The following CDH13 variants were observed in gnomAD, a reference collection of about 807,000 sequenced individuals.
CDH13 encodes cadherin-13.
A neutral mutation model predicts 63.8 loss-of-function variants in CDH13; 24 were observed. That is an observed-to-expected ratio of 0.38 (90% CI 0.27 to 0.53). The LOEUF is 0.53. Ranked by LOEUF, CDH13 falls within the 20% of genes least tolerant of loss-of-function variation. The pLI is 0.85. For synonymous variants in CDH13, 503 were observed against 355.3 expected (o/e 1.42, Z -4.67); for missense variants, 1,049 against 903.1 (o/e 1.16, Z -2.07).
intron 5 of CDH13, among the ~76,000 whole-genome samples, chr16:83,341,994 CACACACA>C (rs1567604445): frequency 5.5e-5 from 7 of 126,542 alleles, no homozygotes; most frequent in Non-Finnish European, 8.5e-5. Context: ...CCCTGCCACA[CACACACA>C]CACACACACA....
chr16:82,747,751 T>C (rs1198733852), intron 1 of CDH13, among the ~76,000 whole-genome samples: 1 of 152,246 alleles, frequency 6.6e-6, no homozygotes, highest in Non-Finnish European at 1.5e-5. Context: ...TTTAAGTGTC[T>C]GCATAATGCG....
At chr16:83,096,774 TCAA>T (rs561440510) in intron 3 of CDH13, among the ~76,000 whole-genome samples, 70 of 152,338 alleles carry the variant, frequency 4.6e-4, no homozygotes, top group African/African-American at 1.7e-3. Context: ...TTACTTCTGA[TCAA>T]CCGCAAGAGT....
intron 7 of CDH13, among the ~76,000 whole-genome samples, chr16:83,498,653 C>A (rs2074202962): frequency 1.3e-5 from 2 of 152,118 alleles, no homozygotes; most frequent in African/African-American, 4.8e-5. Context: ...AGATTTAAAC[C>A]CCTATCAGCC....
intron 1 of CDH13, among the ~76,000 whole-genome samples, chr16:82,725,579 C>T (rs2033048979): frequency 6.6e-6 from 1 of 152,224 alleles, no homozygotes; most frequent in Non-Finnish European, 1.5e-5. Context: ...ATTCCTGGCA[C>T]ATGGTGACCT....
At chr16:83,113,069 T>C (rs2035138508) in intron 3 of CDH13, among the ~76,000 whole-genome samples, 1 of 152,206 alleles carries the variant, frequency 6.6e-6, no homozygotes, top group African/African-American at 2.4e-5. Context: ...AGGCAGCTGA[T>C]GCTATCGAAG....
chr16:82,658,615 T>A lies in CDH13; in HGVS notation c.45+31478T>A, dbSNP rs113289345. 2.9e-3 allele frequency among the ~76,000 whole-genome samples: 446 copies of A among 152,300 alleles called. 3 individuals carry two copies. Among genetic ancestry groups the A allele is most frequent in the African/African-American group, 9.8e-3 (408 of 41,558 alleles). On this transcript the variant is annotated intron_variant, in intron 1 of 13. Transcript: ENST00000567109. ...CTCTCTGTGCCTCAGTTTTCACATC[T>A]GTAAAATTATGTCAAATAGTACTGA...
chr16:82,783,822 C>A (rs975243133), intron 1 of CDH13, among the ~76,000 whole-genome samples: 3 of 135,898 alleles, frequency 2.2e-5, no homozygotes, highest in Admixed American at 7.7e-5. Flanking sequence ...AGGCTTCTGA[C>A]AAGGGAATAC....
At chr16:83,529,900 T>C (rs1209892097) in intron 7 of CDH13, among the ~76,000 whole-genome samples, 1 of 152,222 alleles carries the variant, frequency 6.6e-6, no homozygotes, top group East Asian at 1.9e-4. Context: ...AATAACGTTA[T>C]TAAAATCACT....
chr16:82,756,565 G>A (rs76041111), intron 1 of CDH13, among the ~76,000 whole-genome samples: 168 of 152,226 alleles, frequency 1.1e-3, no homozygotes, highest in African/African-American at 3.9e-3. Context: ...TAGAGATTAC[G>A]GGACAGTGGG....
At chr16:83,386,855 C>G (rs1211356314) in intron 6 of CDH13, among the ~76,000 whole-genome samples, 2 of 152,200 alleles carry the variant, frequency 1.3e-5, no homozygotes, top group South Asian at 2.1e-4. Flanking sequence ...TGCCTCTGCT[C>G]TAGTCATCAC....
At chr16:83,525,963 C>A (rs2074950165) in intron 7 of CDH13, among the ~76,000 whole-genome samples, 1 of 152,192 alleles carries the variant, frequency 6.6e-6, no homozygotes, top group South Asian at 2.1e-4. Flanking sequence ...CCCCTGGAGC[C>A]TCTGGAAAGG....
At chr16:83,655,323 C>T (rs1400451210) in intron 8 of CDH13, 1 of 152,244 alleles carries the variant, frequency 6.6e-6, no homozygotes, top group Non-Finnish European at 1.5e-5. Context: ...ATGGAGTTAG[C>T]AGTGACCCTA....
chr16:83,226,485 G>T (rs554219621), intron 5 of CDH13, among the ~76,000 whole-genome samples: 2 of 152,216 alleles, frequency 1.3e-5, no homozygotes, highest in Non-Finnish European at 2.9e-5. Context: ...CCCCACACTG[G>T]TCTTTGCACC....
rs181213765 is a variant in CDH13 at position 82,866,353 on chromosome 16, C to T, written c.157+7880C>T. Among the ~76,000 whole-genome samples the T allele has an allele frequency of 2.6e-4, 33 of 125,256 alleles. No homozygotes were observed. In the East Asian group the frequency reaches 7.8e-3, roughly 30 times the overall value. 82.2% of individuals were successfully genotyped at this position (125,256 alleles called of 152,430 possible). A position where few individuals can be genotyped will look rare whatever the true frequency, so the allele number is the denominator to read the frequency against. ...ACTGGTACCAATTTACTGTATTAGTCTGTTTTCTTTTCTTTTTCTTCTTCT... is the reference window on the plus strand; with the variant it reads ...ACTGGTACCAATTTACTGTATTAGTTTGTTTTCTTTTCTTTTTCTTCTTCT... On this transcript the variant is annotated intron_variant, in intron 2 of 13. Transcript: ENST00000567109.
chr16:82,670,855 C>G (rs560184978), intron 1 of CDH13, among the ~76,000 whole-genome samples: 1 of 152,290 alleles, frequency 6.6e-6, no homozygotes, highest in South Asian at 2.1e-4. Flanking sequence ...TGTTTAGTAC[C>G]TGAGATATAA....
intron 1 of CDH13, among the ~76,000 whole-genome samples, chr16:82,768,827 T>G (rs1223266804): frequency 6.6e-6 from 1 of 152,334 alleles, no homozygotes; most frequent in East Asian, 1.9e-4. Flanking sequence ...TGATTCAGCC[T>G]AGCAAAGAAG....
intron 4 of CDH13, among the ~76,000 whole-genome samples, chr16:83,143,647 A>C (rs1317129737): frequency 6.6e-6 from 1 of 152,156 alleles, no homozygotes; most frequent in Admixed American, 6.5e-5. Context: ...CATCAAAACA[A>C]TTGTGTTAAA....
At chr16:82,843,731 G>GTCT (rs2039130678) in intron 1 of CDH13, among the ~76,000 whole-genome samples, 4 of 152,346 alleles carry the variant, frequency 2.6e-5, no homozygotes, top group African/African-American at 9.6e-5. Context: ...GTCTGGCAGA[G>GTCT]AAGAAAGTGT....
intron 5 of CDH13, among the ~76,000 whole-genome samples, chr16:83,246,132 T>C: frequency 6.6e-6 from 1 of 152,240 alleles, no homozygotes; most frequent in Non-Finnish European, 1.5e-5. Context: ...TAGGGTTTTA[T>C]TAATTATATA....
Sources: gnomAD v4.1 joint callset for allele counts (sites outside exome capture counted in the v4.1 genomes callset) on GRCh38, gnomAD v4.1.1 for gene constraint, MANE v1.5 for transcripts, NCBI Gene and HGNC (gene_info 2026-07-23, HGNC 2026-07-21) for gene names.